Variants in CHLSN observed in about 807,000 individuals in gnomAD.
CHLSN encodes protein cholesin.
At chr7:991,573 C>T in the CHLSN span, among the ~76,000 whole-genome samples, 2 of 152,260 alleles carry the variant, frequency 1.3e-5, no homozygotes, top group Non-Finnish European at 2.9e-5. Context: ...CACAGCTGCA[C>T]TCAGGCTGCC....
At chr7:1,040,557 C>A in the CHLSN span, among the ~76,000 whole-genome samples, 1 of 151,996 alleles carries the variant, frequency 6.6e-6, no homozygotes, top group Non-Finnish European at 1.5e-5. Context: ...TCAAATAGAT[C>A]ATCTATTTAA....
At chr7:1,077,233 G>A in the CHLSN span, among the ~76,000 whole-genome samples, 128 of 152,264 alleles carry the variant, frequency 8.4e-4, no homozygotes, top group African/African-American at 3.0e-3. Context: ...TAGGCTCACC[G>A]CAAGCTCCGC....
At chr7:1,018,249 A>G in the CHLSN span, among the ~76,000 whole-genome samples, 1 of 151,532 alleles carries the variant, frequency 6.6e-6, no homozygotes, top group Non-Finnish European at 1.5e-5. Context: ...GAGGCCCTAC[A>G]GGAACAGGGG....
At chr7:1,004,004 G>C in the CHLSN span, among the ~76,000 whole-genome samples, 1 of 150,172 alleles carries the variant, frequency 6.7e-6, no homozygotes, top group East Asian at 2.0e-4. Flanking sequence ...GAGTCCTGTG[G>C]GTGAGTGGAG....
At chr7:1,016,609 C>CAGCGCACGCCAGAGCACAGT in the CHLSN span, among the ~76,000 whole-genome samples, 13 of 143,656 alleles carry the variant, frequency 9.0e-5, no homozygotes, top group Non-Finnish European at 7.5e-5. Context: ...CAGCGTACAG[C>CAGCGCACGCCAGAGCACAGT]AGCGCACGCC....
chr7:998,791 T>C, the CHLSN span, among the ~76,000 whole-genome samples: 2 of 152,204 alleles, frequency 1.3e-5, no homozygotes, highest in African/African-American at 4.8e-5. Flanking sequence ...ACTTTTTCCT[T>C]TGTCGCTTGT....
At chr7:1,035,334 A>C in the CHLSN span, among the ~76,000 whole-genome samples, 1 of 152,264 alleles carries the variant, frequency 6.6e-6, no homozygotes, top group Non-Finnish European at 1.5e-5. Context: ...ATTTGCATGC[A>C]TGCATCTTTA....
At chr7:1,123,331 T>C in the CHLSN span, among the ~76,000 whole-genome samples, 1 of 152,206 alleles carries the variant, frequency 6.6e-6, no homozygotes, top group Non-Finnish European at 1.5e-5. This position sits in a 1 kb window ranked among gnomAD's most constrained non-coding sequence, Gnocchi z 4.4. Flanking sequence ...GGGAAGAGGC[T>C]GCACGGGGCC....
At chr7:1,058,722 C>T in the CHLSN span, 1 of 592,898 alleles carries the variant, frequency 1.7e-6, no homozygotes, top group African/African-American at 1.9e-5. Flanking sequence ...CTTGAGTCTC[C>T]CCGAGGCCTG....
the CHLSN span, among the ~76,000 whole-genome samples, chr7:1,021,027 C>T: frequency 6.7e-6 from 1 of 148,634 alleles, no homozygotes; most frequent in Non-Finnish European, 1.5e-5. Flanking sequence ...CAGGTACCTC[C>T]AGGTTGGGGA....
At chr7:1,006,083 C>A in the CHLSN span, among the ~76,000 whole-genome samples, 1 of 152,258 alleles carries the variant, frequency 6.6e-6, no homozygotes, top group African/African-American at 2.4e-5. Context: ...GAGGAACAGG[C>A]TTGCCCGCTG....
At chr7:1,124,951 T>G in the CHLSN span, among the ~76,000 whole-genome samples, 1 of 152,238 alleles carries the variant, frequency 6.6e-6, no homozygotes, top group Non-Finnish European at 1.5e-5. Context: ...CAGGACAAGC[T>G]GTCTGGCTGT....
the CHLSN span, among the ~76,000 whole-genome samples, chr7:1,095,015 G>A: frequency 6.6e-6 from 1 of 151,750 alleles, no homozygotes; most frequent in Non-Finnish European, 1.5e-5. Context: ...GCTGTGGGGT[G>A]GCCAAGCCAG....
the CHLSN span, chr7:997,922 C>A: frequency 2.1e-6 from 2 of 947,538 alleles, no homozygotes; most frequent in South Asian, 1.6e-5. Context: ...CCTCCCACTG[C>A]GGCCCGAGGG....
chr7:1,083,792 G>A, the CHLSN span, among the ~76,000 whole-genome samples: 732 of 152,284 alleles, frequency 4.8e-3, 4 homozygotes, highest in African/African-American at 0.017. Context: ...ACAGGACGGC[G>A]GCACCGACGC....
chr7:1,027,955 TGCCTGCAGG>T, the CHLSN span, among the ~76,000 whole-genome samples: 1 of 152,120 alleles, frequency 6.6e-6, no homozygotes, highest in African/African-American at 2.4e-5. Context: ...GGGCTCGCAG[TGCCTGCAGG>T]GCCTGGACCC....
At chr7:991,454 G>A in the CHLSN span, among the ~76,000 whole-genome samples, 2 of 152,088 alleles carry the variant, frequency 1.3e-5, no homozygotes, top group East Asian at 1.9e-4. Context: ...TCATGCCCAT[G>A]GGCGTGGGCA....
the CHLSN span, among the ~76,000 whole-genome samples, chr7:1,047,647 C>T: frequency 0.26 from 39,503 of 152,218 alleles, 5,684 homozygotes; most frequent in African/African-American, 0.37. Context: ...CAAGGTTGAG[C>T]GTCTCATGGT....
At chr7:1,097,391 A>C in the CHLSN span, among the ~76,000 whole-genome samples, 8 of 152,368 alleles carry the variant, frequency 5.3e-5, no homozygotes, top group East Asian at 1.5e-3. The surrounding 1 kb of genome is among the most constrained non-coding windows in gnomAD (Gnocchi z 4.3). Flanking sequence ...AGCTGGGACA[A>C]CGTGAGCAGT....
Sources: gnomAD v4.1 joint callset for allele counts (sites outside exome capture counted in the v4.1 genomes callset) on GRCh38, gnomAD v4.1.1 for gene constraint, Gnocchi (gnomAD v3.1) non-coding constraint, MANE v1.5 for transcripts, NCBI Gene and HGNC (gene_info 2026-07-23, HGNC 2026-07-21) for gene names.